The following BICC1 variants were observed in gnomAD, a reference collection of about 807,000 sequenced individuals.
BICC1 encodes protein bicaudal C homolog 1.
In BICC1, 43 loss-of-function variants were observed where a neutral mutation model predicts 111.0. That is an observed-to-expected ratio of 0.39 (90% CI 0.30 to 0.50). The LOEUF is 0.50. Among genes scored for constraint, BICC1 ranks in the 20% least tolerant of loss-of-function variants. The pLI, the probability that BICC1 is intolerant of heterozygous loss-of-function variation, is 0.88. For synonymous variants in BICC1, 467 were observed against 434.4 expected, an observed-to-expected ratio of 1.07 and a Z score of -0.93; for missense variants, 1,091 against 1,203.2, an observed-to-expected ratio of 0.91 and a Z score of 1.38.
Position 58,792,805 on chromosome 10 carries a change from G to A in BICC1, c.1048-679G>A, listed in dbSNP as rs529513985. On this transcript the variant is annotated intron_variant, in intron 8 of 20. Coordinates refer to ENST00000373886, the MANE Select transcript of BICC1 (RefSeq NM_001080512.3). The stretch of plus-strand genomic sequence containing the variant: ...GTGATAATAATAGTAATAAAGTGCC[G>A]AATAAATGTAATGTGCTTGAATCAT... 5.3e-5 allele frequency among the ~76,000 whole-genome samples: 8 copies of A among 152,024 alleles called. No individual in the cohort carries two copies. The East Asian group carries it at 5.8e-4, about 11-fold the overall frequency.
chr10:58,599,938 G>A (rs1844972356), intron 1 of BICC1, among the ~76,000 whole-genome samples: 1 of 151,802 alleles, frequency 6.6e-6, no homozygotes, highest in African/African-American at 2.4e-5. Context: ...GGGTGTGTGT[G>A]TGTGTGTGTG....
chr10:58,619,727 C>T (rs764215968), intron 1 of BICC1, among the ~76,000 whole-genome samples: 1 of 152,124 alleles, frequency 6.6e-6, no homozygotes, highest in Non-Finnish European at 1.5e-5. Context: ...TCTGCCTCGG[C>T]CTCCCAAGTT....
chr10:58,822,395 A>T (rs544120193), intron 20 of BICC1, among the ~76,000 whole-genome samples: 1 of 152,274 alleles, frequency 6.6e-6, no homozygotes, highest in South Asian at 2.1e-4. Flanking sequence ...TTTCCTCTGG[A>T]ATATATCAGT....
At chr10:58,614,863 A>G (rs1018699211) in intron 1 of BICC1, among the ~76,000 whole-genome samples, 4 of 152,174 alleles carry the variant, frequency 2.6e-5, no homozygotes, top group Non-Finnish European at 4.4e-5. Flanking sequence ...AAAAAGGGCA[A>G]TTATCTACTT....
chr10:58,523,531 T>C (rs1842449639), intron 1 of BICC1, among the ~76,000 whole-genome samples: 1 of 152,144 alleles, frequency 6.6e-6, no homozygotes, highest in African/African-American at 2.4e-5. Flanking sequence ...TCTCAATAAA[T>C]TAGGTATTGA....
intron 1 of BICC1, among the ~76,000 whole-genome samples, chr10:58,563,404 C>T (rs913430913): frequency 6.6e-6 from 1 of 152,148 alleles, no homozygotes; most frequent in African/African-American, 2.4e-5. Flanking sequence ...GCAAGCATTG[C>T]AGGCATCCAT....
chr10:58,529,360 A>G (rs551107549), intron 1 of BICC1, among the ~76,000 whole-genome samples: 1 of 152,038 alleles, frequency 6.6e-6, no homozygotes, highest in African/African-American at 2.4e-5. Flanking sequence ...CCAGATTTCA[A>G]GTATTTTCAG....
intron 1 of BICC1, among the ~76,000 whole-genome samples, chr10:58,615,333 T>C (rs1431388568): frequency 6.6e-6 from 1 of 152,122 alleles, no homozygotes; most frequent in Non-Finnish European, 1.5e-5. Context: ...GTAAGGAAAA[T>C]GGATGTGCCG....
At chr10:58,693,633 G>T (rs1014726141) in intron 2 of BICC1, among the ~76,000 whole-genome samples, 1 of 151,492 alleles carries the variant, frequency 6.6e-6, no homozygotes, top group African/African-American at 2.4e-5. Context: ...ATTTTTTCAT[G>T]TGTCTTTTGG....
intron 2 of BICC1, among the ~76,000 whole-genome samples, chr10:58,649,052 T>G (rs1838360589): frequency 6.6e-6 from 1 of 152,160 alleles, no homozygotes; most frequent in Non-Finnish European, 1.5e-5. Flanking sequence ...CCTGAACACC[T>G]TCTCCCCAAT....
chr10:58,815,555 C>G (rs1014128497), intron 18 of BICC1, among the ~76,000 whole-genome samples: 18 of 152,096 alleles, frequency 1.2e-4, no homozygotes, highest in African/African-American at 4.3e-4. Flanking sequence ...CTGTACTACT[C>G]AGTTGAATAG....
chr10:58,740,353 T>A (rs549175424), intron 3 of BICC1, among the ~76,000 whole-genome samples: 1 of 152,246 alleles, frequency 6.6e-6, no homozygotes, highest in Non-Finnish European at 1.5e-5. Flanking sequence ...TGGAAACTTA[T>A]CAGAGTCTTA....
At chr10:58,597,778 C>T (rs528091083) in intron 1 of BICC1, among the ~76,000 whole-genome samples, 5 of 152,124 alleles carry the variant, frequency 3.3e-5, no homozygotes, top group East Asian at 3.9e-4. Context: ...CTTGCACATC[C>T]GTTTATAGGC....
At chr10:58,757,586 T>G (rs1454321825) in intron 3 of BICC1, among the ~76,000 whole-genome samples, 2 of 152,080 alleles carry the variant, frequency 1.3e-5, no homozygotes, top group Non-Finnish European at 2.9e-5. Context: ...TTCAGTTCCT[T>G]TAAGAGATTG....
chr10:58,569,014 G>A (rs1843859601), intron 1 of BICC1, among the ~76,000 whole-genome samples: 1 of 152,014 alleles, frequency 6.6e-6, no homozygotes, highest in African/African-American at 2.4e-5. Flanking sequence ...TCTACTTCTT[G>A]GGGTTATTCC....
At chr10:58,651,483 T>C (rs1180359274) in intron 2 of BICC1, among the ~76,000 whole-genome samples, 6 of 152,180 alleles carry the variant, frequency 3.9e-5, no homozygotes, top group Non-Finnish European at 5.9e-5. Context: ...TTTCTCTCTT[T>C]GCTTGAGGGA....
At chr10:58,635,336 G>T (rs890641770) in intron 2 of BICC1, among the ~76,000 whole-genome samples, 6 of 152,176 alleles carry the variant, frequency 3.9e-5, no homozygotes, top group African/African-American at 1.4e-4. Context: ...TATGTAATTT[G>T]TGGCACTTCC....
At position 58,661,289 on chromosome 10, in the gene BICC1, G is replaced by A. The variant is rs549820281; in HGVS notation, c.237+40388G>A. Reference sequence around the variant, plus strand: ...GCTTCTTTGCTCAATTCAGAATACTGGTATTCAGTTAGTTCCATGTCATTT... The same window carrying A: ...GCTTCTTTGCTCAATTCAGAATACTAGTATTCAGTTAGTTCCATGTCATTT... On this transcript the variant is annotated intron_variant, in intron 2 of 20. Coordinates refer to ENST00000373886, the MANE Select transcript of BICC1 (RefSeq NM_001080512.3). Among the ~76,000 whole-genome samples, 28 of 149,396 alleles carry A rather than the reference G, an allele frequency of 1.9e-4. 1 individual carries two copies. Among genetic ancestry groups the A allele is most frequent in the Admixed American group, 1.7e-3 (26 of 15,010 alleles).
At chr10:58,671,696 G>A (rs1839190778) in intron 2 of BICC1, among the ~76,000 whole-genome samples, 1 of 151,996 alleles carries the variant, frequency 6.6e-6, no homozygotes, top group South Asian at 2.1e-4. Context: ...TCTGCTGCTT[G>A]TTAGAATTGA....
Sources: gnomAD v4.1 joint callset for allele counts (sites outside exome capture counted in the v4.1 genomes callset) on GRCh38, gnomAD v4.1.1 for gene constraint, MANE v1.5 for transcripts, NCBI Gene and HGNC (gene_info 2026-07-23, HGNC 2026-07-21) for gene names.